PCDH1: variants seen among roughly 807,000 people sequenced by gnomAD.
The protein encoded by PCDH1 is protocadherin 1, also known as protocadherin-1.
A neutral mutation model predicts 74.6 loss-of-function variants in PCDH1; 23 were observed. The ratio of observed to expected loss-of-function variants is 0.31; its 90% CI spans 0.22 to 0.44. The LOEUF is 0.44. Among genes scored for constraint, PCDH1 ranks in the 20% least tolerant of loss-of-function variants. The pLI is 1.00. For synonymous variants in PCDH1, 647 were observed against 686.1 expected, an observed-to-expected ratio of 0.94 and a Z score of 0.89; for missense variants, 1,214 against 1,641.4, an observed-to-expected ratio of 0.74 and a Z score of 4.50.
Position 141,869,373 on chromosome 5 carries a change from C to G in PCDH1, c.99G>C (p.Gly33=). The G allele has an allele frequency of 6.3e-7, 1 of 1,597,610 alleles. No individual in the cohort carries two copies. The highest frequency in any genetic ancestry group is 8.5e-7 in the Non-Finnish European group (1 of 1,176,148). ...TGGAGGGCAGCAGTAGCCGTTGCCC[C>G]CCAGGGCCTGGGCTGTGCCTCAGGT... ...MEHLRHSPGP[G]GQRLLLPSML... Residue 33 remains glycine (G), a synonymous_variant, in exon 2 of 5, where the codon GGG becomes GGC. Transcript: ENST00000287008. This position sits in a 1 kb window ranked among gnomAD's most constrained non-coding sequence, Gnocchi z 4.9.
rs763057781 is a variant in PCDH1, at chr5:141,864,492, C to G, written c.1839G>C (p.Met613Ile). 6.2e-7 allele frequency: 1 copy of G among 1,614,072 alleles called. No homozygotes were observed. Among genetic ancestry groups the G allele is most frequent in the South Asian group, 1.1e-5 (1 of 91,074 alleles). Residue 613 changes from methionine to isoleucine, a missense_variant, in exon 3 of 5, where the codon ATG becomes ATC. By Grantham distance (10) the Met-to-Ile change is conservative. Around this residue, in one of 4 missense-constraint regions of PCDH1, gnomAD observed 836 missense variants for 1,182.2 expected, o/e 0.71. Transcript: ENST00000287008. This position sits in a 1 kb window ranked among gnomAD's most constrained non-coding sequence, Gnocchi z 5.9. ...TCACTGAGAAGTTGTAGCCACTCAG[C>G]ATAAATTTGGGGTCATTGTCATTGC... ...LDCNDNDPKF[M>I]LSGYNFSVME...
intron 1 of PCDH1, among the ~76,000 whole-genome samples, chr5:141,874,866 C>T (rs527237437): frequency 1.3e-5 from 2 of 152,138 alleles, no homozygotes; most frequent in East Asian, 1.9e-4. Flanking sequence ...AATGGGGTTG[C>T]GTGGGGTGGA....
In PCDH1 at chr5:141,868,733, C is replaced by T; in HGVS notation, c.739G>A (p.Asp247Asn). The change falls in exon 2 of 5, where the codon GAC becomes AAC. Residue 247 changes from aspartate to asparagine, a missense_variant. Physicochemically the swap from Asp to Asn is conservative, Grantham distance 23. Transcript: ENST00000287008. This position sits in a 1 kb window ranked among gnomAD's most constrained non-coding sequence, Gnocchi z 4.8. Reference sequence around the variant, plus strand: ...CCATCCTGCACCTTGATGGTGAGGTCATAGGAGTCCCAGCGCTCACGGTCC... The same window carrying T: ...CCATCCTGCACCTTGATGGTGAGGTTATAGGAGTCCCAGCGCTCACGGTCC... ...NLDRERWDSY[D>N]LTIKVQDGGS... 2 of 1,614,212 alleles carry T rather than the reference C, an allele frequency of 1.2e-6. No individual in the cohort carries two copies. The highest frequency in any genetic ancestry group is 1.7e-6 in the Non-Finnish European group (2 of 1,180,022).
rs746598806 is a variant in PCDH1 at position 141,864,590 on chromosome 5, T to G, written c.1741A>C (p.Lys581Gln). The G allele has an allele frequency of 1.9e-6, 3 of 1,613,770 alleles. No homozygotes were observed. In the South Asian group the frequency reaches 3.3e-5, roughly 18 times the overall value. ...CTGCCCCGGTCAGCTGCCACCACCT[T>G]CAACTCATAGCTCTCCCGCTGTTCC... ...DREQRESYELKVVAADRGSPS... is the reference protein window; with the variant it reads ...DREQRESYELQVVAADRGSPS... Residue 581 changes from lysine to glutamine, a missense_variant, in exon 3 of 5, where the codon AAG becomes CAG. This residue lies in a region of PCDH1 where 836 missense variants were observed against 1,182.2 expected (regional missense o/e 0.71). Coordinates refer to ENST00000287008, the MANE Select transcript of PCDH1 (RefSeq NM_032420.5). The surrounding 1 kb of genome is among the most constrained non-coding windows in gnomAD (Gnocchi z 5.9).
At position 141,865,048 on chromosome 5, in the gene PCDH1, G is replaced by A; in HGVS notation, c.1283C>T (p.Ala428Val). The A allele has an allele frequency of 6.2e-7, 1 of 1,614,164 alleles. No individual in the cohort carries two copies. Among genetic ancestry groups the A allele is most frequent in the South Asian group, 1.1e-5 (1 of 91,078 alleles). The change falls in exon 3 of 5, where the codon GCA (alanine) becomes GTA (valine). Residue 428 changes from alanine to valine, a missense_variant. This residue lies in a region of PCDH1 where 836 missense variants were observed against 1,182.2 expected (regional missense o/e 0.71). Coordinates refer to ENST00000287008, the MANE Select transcript of PCDH1 (RefSeq NM_032420.5). The surrounding 1 kb of genome is among the most constrained non-coding windows in gnomAD (Gnocchi z 4.4). ...ACCTGCCACCACACAGGTGACAGCT[G>A]CATTCTCTCCCTCATCTCGGTCAGA... Reference protein sequence around the residue: ...QVSDRDEGENAAVTCVVAGDV... With the variant: ...QVSDRDEGENVAVTCVVAGDV...
intron 1 of PCDH1, among the ~76,000 whole-genome samples, chr5:141,877,992 C>T (rs573447361): frequency 1.3e-5 from 2 of 152,304 alleles, no homozygotes; most frequent in Non-Finnish European, 2.9e-5. Flanking sequence ...GGGTTCTGCT[C>T]AGCACCCCCT....
chr5:141,862,745 C>G, intron 3 of PCDH1: 1 of 1,004,938 alleles, frequency 1.0e-6, no homozygotes, highest in Non-Finnish European at 1.2e-6. Context: ...GCACAATACA[C>G]ACAGAAGGCA....
At chr5:141,871,521 G>A (rs1326852625) in intron 1 of PCDH1, among the ~76,000 whole-genome samples, 1 of 152,226 alleles carries the variant, frequency 6.6e-6, no homozygotes, top group Non-Finnish European at 1.5e-5. Flanking sequence ...TAGTGCCTCA[G>A]TTTCCTTACC....
rs1329535000 is a variant in PCDH1 at position 141,869,377 on chromosome 5, G to T, written c.95C>A (p.Pro32His). 1 of 1,597,656 alleles carries T rather than the reference G, an allele frequency of 6.3e-7. No individual in the cohort carries two copies. The highest frequency in any genetic ancestry group is 8.5e-7 in the Non-Finnish European group (1 of 1,176,484). Residue 32 changes from proline to histidine, a missense_variant, in exon 2 of 5, where the codon CCT (proline) becomes CAT (histidine). Physicochemically the swap from Pro to His is moderately conservative, Grantham distance 77. Around this residue, in one of 4 missense-constraint regions of PCDH1, gnomAD observed 87 missense variants for 87.7 expected, o/e 0.99. Transcript: ENST00000287008. This position sits in a 1 kb window ranked among gnomAD's most constrained non-coding sequence, Gnocchi z 4.9. ...RMEHLRHSPG[P>H]GGQRLLLPSM... The stretch of plus-strand genomic sequence containing the variant: ...GGGCAGCAGTAGCCGTTGCCCCCCA[G>T]GGCCTGGGCTGTGCCTCAGGTGCTC...
rs773933808 is a variant in PCDH1, at chr5:141,863,132, C to T, written c.3099+100G>A. On this transcript the variant is annotated intron_variant, in intron 3 of 4. Coordinates refer to ENST00000287008, the MANE Select transcript of PCDH1 (RefSeq NM_032420.5). The surrounding 1 kb of genome is among the most constrained non-coding windows in gnomAD (Gnocchi z 7.5). ...GGCTGGCCCCCAACACGGGCAGGCA[C>T]AGTAAACCTGCTCCATCACTCCCAC... The T allele has an allele frequency of 6.9e-7, 1 of 1,459,764 alleles. No homozygotes were observed. Among genetic ancestry groups the T allele is most frequent in the Non-Finnish European group, 9.1e-7 (1 of 1,103,296 alleles). The allele number at this position is 1,459,764 out of a possible 1,614,324, so 90.4% of individuals were successfully genotyped here. A position where few individuals can be genotyped will look rare whatever the true frequency, so the allele number is the denominator to read the frequency against.
intron 4 of PCDH1, chr5:141,856,083 T>G: frequency 1.2e-6 from 1 of 808,430 alleles, no homozygotes; most frequent in Non-Finnish European, 2.0e-6. Context: ...TTGTTAACCC[T>G]CAAAGTGCCA....
rs1428683999 is a variant in PCDH1 at position 141,864,623 on chromosome 5, G to A, written c.1708C>T (p.Leu570=). 1 of 1,613,608 alleles carries A rather than the reference G, an allele frequency of 6.2e-7. No individual in the cohort carries two copies. ...ETGEIQVKTS[L]DREQRESYEL... ...TAGCTCTCCCGCTGTTCCCGATCCA[G>A]AGATGTCTTCACCTGGATCTCTCCA... The change falls in exon 3 of 5, where the codon CTG becomes TTG. Residue 570 remains leucine (L), a synonymous_variant. Coordinates refer to ENST00000287008, the MANE Select transcript of PCDH1 (RefSeq NM_032420.5). The surrounding 1 kb of genome is among the most constrained non-coding windows in gnomAD (Gnocchi z 5.9).
At chr5:141,875,777 C>T (rs1333299419) in intron 1 of PCDH1, among the ~76,000 whole-genome samples, 2 of 152,168 alleles carry the variant, frequency 1.3e-5, no homozygotes, top group Non-Finnish European at 2.9e-5. Context: ...CCTCTGGGGG[C>T]CAGTCTGCCT....
chr5:141,873,892 A>G (rs1753157606), intron 1 of PCDH1, among the ~76,000 whole-genome samples: 2 of 152,192 alleles, frequency 1.3e-5, no homozygotes, highest in South Asian at 2.1e-4. Context: ...TCAAATGGGT[A>G]GTATTTATTA....
intron 3 of PCDH1, among the ~76,000 whole-genome samples, chr5:141,861,890 G>A (rs1752579410): frequency 6.6e-6 from 1 of 152,172 alleles, no homozygotes; most frequent in African/African-American, 2.4e-5. Flanking sequence ...AAGCAACCCA[G>A]GGTGGCCAGA....
chr5:141,869,711 G>C lies in PCDH1; in HGVS notation c.41-280C>G. The C allele has an allele frequency of 1.3e-6, 2 of 1,489,016 alleles. No homozygotes were observed. The highest frequency in any genetic ancestry group is 1.8e-6 in the Non-Finnish European group (2 of 1,119,400). 92.2% of individuals were successfully genotyped at this position (1,489,016 alleles called of 1,614,324 possible). Reference sequence around the variant, plus strand: ...CATGGAACACCCTCACCCACCTGACGCTCCCTGGGCCCAAGCCCGGCTGCC... The same window carrying C: ...CATGGAACACCCTCACCCACCTGACCCTCCCTGGGCCCAAGCCCGGCTGCC... On this transcript the variant is annotated intron_variant, in intron 1 of 4. Coordinates refer to ENST00000287008, the MANE Select transcript of PCDH1 (RefSeq NM_032420.5). The surrounding 1 kb of genome is among the most constrained non-coding windows in gnomAD (Gnocchi z 4.9).
At chr5:141,872,818 A>G (rs1490983235) in intron 1 of PCDH1, among the ~76,000 whole-genome samples, 1 of 152,234 alleles carries the variant, frequency 6.6e-6, no homozygotes, top group Non-Finnish European at 1.5e-5. Flanking sequence ...ACCACAGGAT[A>G]ATATCCAGCT....
rs1753043332 is a variant in PCDH1 at position 141,869,837 on chromosome 5, T to C, written c.41-406A>G. The C allele has an allele frequency of 1.4e-5, 14 of 977,860 alleles. No homozygotes were observed. Among genetic ancestry groups the C allele is most frequent in the Non-Finnish European group, 1.7e-5 (14 of 823,002 alleles). 60.6% of individuals were successfully genotyped at this position (977,860 alleles called of 1,614,324 possible). On this transcript the variant is annotated intron_variant, in intron 1 of 4. Transcript: ENST00000287008. This position sits in a 1 kb window ranked among gnomAD's most constrained non-coding sequence, Gnocchi z 4.9. ...CCTTAGTCACCGATGGTAATTACCT[T>C]GATACTGAGATAGGGAGAGAGAGCC...
At chr5:141,877,995 C>T (rs1212138899) in intron 1 of PCDH1, among the ~76,000 whole-genome samples, 1 of 152,188 alleles carries the variant, frequency 6.6e-6, no homozygotes, top group African/African-American at 2.4e-5. Context: ...TTCTGCTCAG[C>T]ACCCCCTCCC....
Sources: gnomAD v4.1 joint callset for allele counts (sites outside exome capture counted in the v4.1 genomes callset) on GRCh38, gnomAD v4.1.1 for gene constraint, gnomAD v4.1.1 regional missense constraint, Gnocchi (gnomAD v3.1) non-coding constraint, MANE v1.5 for transcripts, NCBI Gene and HGNC (gene_info 2026-07-23, HGNC 2026-07-21) for gene names.